The following LRP6 variants were observed in gnomAD, a reference collection of about 807,000 sequenced individuals.
The protein encoded by LRP6 is low-density lipoprotein receptor-related protein 6.
LRP6 carries 43 observed loss-of-function variants against 184.1 expected under a neutral mutation model. The observed-to-expected ratio is 0.23, with a 90% confidence interval of 0.18 to 0.30. LRP6 has a LOEUF of 0.30. Ranked by LOEUF, LRP6 falls within the 10% of genes least tolerant of loss-of-function variation. The pLI is 1.00. For missense variants in LRP6, 1,571 were observed against 2,005.3 expected (o/e 0.78, Z 4.14); for synonymous variants, 719 against 684.9 (o/e 1.05, Z -0.78).
rs1203938055 is a variant in LRP6 at position 12,120,550 on chromosome 12, A to C, written c.*576T>G. 6.6e-6 allele frequency: 1 copy of C among 152,222 alleles called. No homozygotes were observed. The highest frequency in any genetic ancestry group is 2.4e-5 in the African/African-American group (1 of 41,434). The allele number at this position is 152,222 out of a possible 1,614,324, so 9.4% of individuals were successfully genotyped here. A position where few individuals can be genotyped will look rare whatever the true frequency, so the allele number is the denominator to read the frequency against. On this transcript the variant is annotated 3_prime_UTR_variant, in exon 23 of 23. Coordinates refer to ENST00000261349, the MANE Select transcript of LRP6 (RefSeq NM_002336.3). ...CCAGAATGGGTTTTTAGAAATATCT[A>C]CTTTCCTCACTAGCACTGTTGGATT...
At chr12:12,261,065 A>G (rs1472350973) in intron 1 of LRP6, among the ~76,000 whole-genome samples, 1 of 152,248 alleles carries the variant, frequency 6.6e-6, no homozygotes, top group East Asian at 1.9e-4. Flanking sequence ...ATATAAGGAC[A>G]CAGTAGTTCA....
At position 12,158,866 on chromosome 12, in the gene LRP6, G is replaced by A. The variant is rs778995335; in HGVS notation, c.2754C>T (p.Ala918=). 1.1e-5 allele frequency: 18 copies of A among 1,614,036 alleles called. No homozygotes were observed. The highest frequency in any genetic ancestry group is 1.7e-5 in the Admixed American group (1 of 59,996). The change falls in exon 12 of 23, where the codon GCC becomes GCT. Residue 918 remains alanine (A), a synonymous_variant. Coordinates refer to ENST00000261349, the MANE Select transcript of LRP6 (RefSeq NM_002336.3). ...TGTTGTCAGCATTAAGAGAGTAGTG[G>A]GCAGGGCATCCACAAACAAAACCCC... ...PVGGFVCGCP[A]HYSLNADNRT...
intron 3 of LRP6, among the ~76,000 whole-genome samples, chr12:12,194,374 A>C (rs887881658): frequency 5.9e-5 from 9 of 152,048 alleles, no homozygotes; most frequent in African/African-American, 2.2e-4. Flanking sequence ...TGAAGGAAAA[A>C]AACTTGATCT....
At chr12:12,231,629 C>T (rs1864790594) in intron 2 of LRP6, among the ~76,000 whole-genome samples, 2 of 152,008 alleles carry the variant, frequency 1.3e-5, no homozygotes, top group Non-Finnish European at 2.9e-5. Flanking sequence ...CTAAGCCGGG[C>T]ACAGTGGCTC....
At chr12:12,255,028 A>C (rs1277039102) in intron 1 of LRP6, among the ~76,000 whole-genome samples, 1 of 152,242 alleles carries the variant, frequency 6.6e-6, no homozygotes, top group East Asian at 1.9e-4. Context: ...AATTACTATT[A>C]TTGCTACACC....
At chr12:12,245,885 T>C (rs985967547) in intron 1 of LRP6, among the ~76,000 whole-genome samples, 3 of 151,936 alleles carry the variant, frequency 2.0e-5, no homozygotes, top group African/African-American at 7.3e-5. Context: ...TCTGTGATGA[T>C]GGAAATGTCC....
At chr12:12,218,312 C>A (rs1349891418) in intron 2 of LRP6, among the ~76,000 whole-genome samples, 2 of 151,612 alleles carry the variant, frequency 1.3e-5, no homozygotes, top group Non-Finnish European at 2.9e-5. Context: ...CCATCTTTAC[C>A]AAAAAAATTT....
intron 1 of LRP6, among the ~76,000 whole-genome samples, chr12:12,256,624 T>G (rs890763248): frequency 6.6e-6 from 1 of 152,086 alleles, no homozygotes; most frequent in Non-Finnish European, 1.5e-5. Flanking sequence ...CTGACCAACA[T>G]AGCCAAACCC....
At chr12:12,153,798 A>C (rs1431340169) in intron 12 of LRP6, among the ~76,000 whole-genome samples, 1 of 152,222 alleles carries the variant, frequency 6.6e-6, no homozygotes, top group Non-Finnish European at 1.5e-5. Context: ...TGGAGACATC[A>C]GAGAAGCTGG....
rs1381349899 is a variant in LRP6, at chr12:12,121,247, C to A, written c.4721G>T (p.Arg1574Leu). ...SEPVPPPPTP[R>L]SQYLSAEENY... Reference sequence around the variant, plus strand: ...CTCCTCTGCTGACAAGTATTGGCTTCGGGGTGTGGGAGGTGGGGGCACAGG... The same window carrying A: ...CTCCTCTGCTGACAAGTATTGGCTTAGGGGTGTGGGAGGTGGGGGCACAGG... The change falls in exon 23 of 23, where the codon CGA becomes CTA. Residue 1574 changes from arginine to leucine, a missense_variant. Arg to Leu is a moderately radical substitution (Grantham distance 102, BLOSUM62 -2). Coordinates refer to ENST00000261349, the MANE Select transcript of LRP6 (RefSeq NM_002336.3). The A allele has an allele frequency of 1.2e-6, 2 of 1,613,856 alleles. No homozygotes were observed. The highest frequency in any genetic ancestry group is 1.7e-6 in the Non-Finnish European group (2 of 1,180,008).
chr12:12,133,331 G>A (rs144928099), intron 17 of LRP6, among the ~76,000 whole-genome samples: 6 of 152,146 alleles, frequency 3.9e-5, no homozygotes, highest in Non-Finnish European at 5.9e-5. Context: ...TGGATCATGG[G>A]GGGTAGATCC....
Position 12,121,161 on chromosome 12 carries a change from G to A in LRP6, c.4807C>T (p.Pro1603Ser), listed in dbSNP as rs1251420208. 1.2e-6 allele frequency: 2 copies of A among 1,613,560 alleles called. No individual in the cohort carries two copies. The highest frequency in any genetic ancestry group is 2.7e-5 in the African/African-American group (2 of 74,898). Residue 1603 changes from proline to serine, a missense_variant, in exon 23 of 23, where the codon CCA becomes TCA. Pro to Ser is a moderately conservative substitution (Grantham distance 74). This residue lies in a region of LRP6 where 763 missense variants were observed against 859.5 expected (regional missense o/e 0.89). Transcript: ENST00000261349. ...TCTGTACAGGGAGAGGGTGGCGGTG[G>A]GTAGAGGTGATGAGAATAGCTCCTC... ...TERSYSHHLY[P>S]PPPSPCTDSS
rs1315584782 is a variant in LRP6, at chr12:12,179,995, C to CA, written c.1374-15dup. The CA allele has an allele frequency of 3.1e-6, 5 of 1,605,646 alleles. No individual in the cohort carries two copies. The South Asian group carries it at 3.3e-5, about 11-fold the overall frequency. ...CAATACATGTACCTAGAGAAGTATA[C>CA]AAAAAATGAGCTAAAAATAGATAAT... On this transcript the variant is annotated splice_polypyrimidine_tract_variant and intron_variant, in intron 6 of 22. Coordinates refer to ENST00000261349, the MANE Select transcript of LRP6 (RefSeq NM_002336.3).
At chr12:12,228,188 T>C (rs1471528932) in intron 2 of LRP6, among the ~76,000 whole-genome samples, 5 of 151,840 alleles carry the variant, frequency 3.3e-5, no homozygotes, top group African/African-American at 1.2e-4. Flanking sequence ...CTGGCCAACA[T>C]GGTGAAACCC....
At chr12:12,262,864 C>A (rs1439909502) in intron 1 of LRP6, among the ~76,000 whole-genome samples, 1 of 152,138 alleles carries the variant, frequency 6.6e-6, no homozygotes, top group Non-Finnish European at 1.5e-5. Context: ...AATTAACCTA[C>A]CTTTATTAAA....
At chr12:12,250,907 C>T in intron 1 of LRP6, among the ~76,000 whole-genome samples, 1 of 151,264 alleles carries the variant, frequency 6.6e-6, no homozygotes, top group East Asian at 1.9e-4. Context: ...CAGACGTGAG[C>T]CAACGCACCT....
chr12:12,166,158 T>A (rs965784776), intron 7 of LRP6, among the ~76,000 whole-genome samples: 1 of 152,212 alleles, frequency 6.6e-6, no homozygotes, highest in Non-Finnish European at 1.5e-5. Flanking sequence ...GTTTTTAGTA[T>A]GAAATAACAT....
chr12:12,180,127 G>A (rs1863306607), intron 6 of LRP6, 146 bp from the exon 7 acceptor site: 1 of 668,988 alleles, frequency 1.5e-6, no homozygotes, highest in Admixed American at 2.6e-5. Flanking sequence ...ATATGAAGAG[G>A]TGTTTAAGAC....
At chr12:12,209,676 A>T (rs1311395873) in intron 2 of LRP6, among the ~76,000 whole-genome samples, 2 of 152,262 alleles carry the variant, frequency 1.3e-5, no homozygotes, top group South Asian at 2.1e-4. Flanking sequence ...GAAAATTTTT[A>T]AAAAGTATTT....
Sources: allele counts gnomAD v4.1 joint callset (sites outside exome capture counted in the v4.1 genomes callset), GRCh38; gene constraint gnomAD v4.1.1; regional missense constraint gnomAD v4.1.1; transcripts MANE v1.5; gene names NCBI Gene and HGNC (gene_info 2026-07-23, HGNC 2026-07-21).